Variants in PPP2R3C observed in about 807,000 individuals in gnomAD.
PPP2R3C encodes the protein protein phosphatase 2 regulatory subunit B''gamma, also known as serine/threonine-protein phosphatase 2A regulatory subunit B'' subunit gamma.
A neutral mutation model predicts 63.7 loss-of-function variants in PPP2R3C; 47 were observed. The observed-to-expected ratio is 0.74, with a 90% CI of 0.58 to 0.94. PPP2R3C has a LOEUF of 0.94. PPP2R3C is among the 40% of genes least tolerant of loss of function. The pLI, the probability that PPP2R3C is intolerant of heterozygous loss-of-function variation, is 0.00. For missense variants in PPP2R3C, 421 were observed against 518.4 expected (o/e 0.81, Z 1.82); for synonymous variants, 180 against 177.4 (o/e 1.01, Z -0.12).
intron 1 of PPP2R3C, among the ~76,000 whole-genome samples, chr14:35,118,451 T>C (rs2046768831): frequency 6.6e-6 from 1 of 152,184 alleles, no homozygotes; most frequent in Non-Finnish European, 1.5e-5. Flanking sequence ...GTACAACCTA[T>C]ATAATTTACT....
At chr14:35,109,752 A>C (rs573301468) in intron 4 of PPP2R3C, 67 bp downstream of exon 4, 1 of 1,293,388 alleles carries the variant, frequency 7.7e-7, no homozygotes, top group South Asian at 1.3e-5. Flanking sequence ...CACTGTGCCC[A>C]GCCAATATTT....
In PPP2R3C at chr14:35,085,533, G is replaced by A. The variant is rs2045562037; in HGVS notation, c.*57C>T. 4.9e-6 allele frequency: 7 copies of A among 1,438,324 alleles called. No homozygotes were observed. The highest frequency in any genetic ancestry group is 4.6e-5 in the Admixed American group (2 of 43,284). 89.1% of individuals were successfully genotyped at this position (1,438,324 alleles called of 1,614,324 possible). A position where few individuals can be genotyped will look rare whatever the true frequency, so the allele number is the denominator to read the frequency against. ...CATTTCTGAGGATTTTGCTTTAAAG[G>A]CTTTACATGCAGCATTCAAGTATCT... On this transcript the variant is annotated 3_prime_UTR_variant, in exon 13 of 13. Coordinates refer to ENST00000261475, the MANE Select transcript of PPP2R3C (RefSeq NM_017917.4).
At chr14:35,089,346 C>T (rs78591145) in intron 11 of PPP2R3C, among the ~76,000 whole-genome samples, 10,613 of 151,794 alleles carry the variant, frequency 0.07, 492 homozygotes, top group Non-Finnish European at 0.11. Context: ...TCAAGCAACC[C>T]TCCTTCCCTG....
At chr14:35,097,842 G>C (rs1450800344) in intron 7 of PPP2R3C, among the ~76,000 whole-genome samples, 3 of 151,710 alleles carry the variant, frequency 2.0e-5, no homozygotes, top group Admixed American at 1.3e-4. Flanking sequence ...TGAACTCCTA[G>C]GCACCAGTGA....
intron 2 of PPP2R3C, among the ~76,000 whole-genome samples, chr14:35,115,009 A>T (rs561015416): frequency 6.6e-6 from 1 of 151,894 alleles, no homozygotes; most frequent in Non-Finnish European, 1.5e-5. Flanking sequence ...AAAAACAAAA[A>T]GATGGGGTGT....
chr14:35,119,851 T>G (rs953741046), intron 1 of PPP2R3C, among the ~76,000 whole-genome samples: 1 of 143,822 alleles, frequency 7.0e-6, no homozygotes, highest in Admixed American at 6.9e-5. Flanking sequence ...CAGTTCATCT[T>G]TTTTTTTTTT....
chr14:35,104,776 C>T (rs1481544219), intron 6 of PPP2R3C, among the ~76,000 whole-genome samples: 1 of 152,048 alleles, frequency 6.6e-6, no homozygotes, highest in Admixed American at 6.6e-5. Context: ...GCTCTGTTGC[C>T]CAGGCTGGAG....
chr14:35,114,452 A>G (rs928994984), intron 2 of PPP2R3C, among the ~76,000 whole-genome samples: 7 of 152,238 alleles, frequency 4.6e-5, no homozygotes, highest in Admixed American at 2.6e-4. Context: ...ACTCACTTAT[A>G]TAAATACCTT....
intron 11 of PPP2R3C, among the ~76,000 whole-genome samples, chr14:35,090,072 G>A (rs1315351077): frequency 2.0e-5 from 3 of 151,974 alleles, no homozygotes; most frequent in African/African-American, 7.3e-5. Flanking sequence ...GATTTGACTA[G>A]ATGTAAAATA....
chr14:35,120,797 T>C (rs955374055), intron 1 of PPP2R3C, among the ~76,000 whole-genome samples: 9 of 151,980 alleles, frequency 5.9e-5, no homozygotes, highest in Admixed American at 3.9e-4. Context: ...AAATAAAAAA[T>C]TAGCCGGGTG....
At chr14:35,119,709 G>A (rs1215255250) in intron 1 of PPP2R3C, among the ~76,000 whole-genome samples, 1 of 152,048 alleles carries the variant, frequency 6.6e-6, no homozygotes, top group Non-Finnish European at 1.5e-5. Flanking sequence ...TTGTGCTGGT[G>A]TAAATGATCC....
chr14:35,096,628 C>T lies in PPP2R3C; in HGVS notation c.768G>A (p.Arg256=). ...CSFLDDLLEL[R]DEELSKESQE... ...GACTCTCCTTGGACAGTTCCTCATC[C>T]CTTAGCTAATGGAACACAAAGACAT... The change falls in exon 9 of 13, where the codon AGG becomes AGA. Residue 256 remains arginine, a synonymous_variant. Transcript: ENST00000261475. The T allele has an allele frequency of 6.2e-7, 1 of 1,613,482 alleles. No individual in the cohort carries two copies. The highest frequency in any genetic ancestry group is 1.1e-5 in the South Asian group (1 of 90,928).
intron 3 of PPP2R3C, chr14:35,110,246 T>C (rs1301430310): frequency 9.1e-6 from 4 of 440,652 alleles, no homozygotes; most frequent in African/African-American, 8.1e-5. Flanking sequence ...GGGCTGGGAT[T>C]TGAACCTCTG....
rs185634503 is a variant in PPP2R3C, at chr14:35,116,763, G to A, written c.59-26C>T. 9.8e-6 allele frequency: 15 copies of A among 1,523,914 alleles called. No individual in the cohort carries two copies. In the East Asian group the frequency reaches 1.4e-4, roughly 14 times the overall value. The allele number at this position is 1,523,914 out of a possible 1,614,324, so 94.4% of individuals were successfully genotyped here. Reference sequence around the variant, plus strand: ...CTGGTAACAAAACAGATTAAGGGGAGCACTTTTAAAATCAAGCAGTACTTT... The same window carrying A: ...CTGGTAACAAAACAGATTAAGGGGAACACTTTTAAAATCAAGCAGTACTTT... On this transcript the variant is annotated intron_variant, in intron 1 of 12. Transcript: ENST00000261475.
intron 9 of PPP2R3C, among the ~76,000 whole-genome samples, chr14:35,095,940 T>C (rs2045985918): frequency 6.7e-6 from 1 of 148,374 alleles, no homozygotes; most frequent in Non-Finnish European, 1.5e-5. Context: ...ACCCTGGGAA[T>C]AGCATTTTAT....
intron 1 of PPP2R3C, among the ~76,000 whole-genome samples, chr14:35,120,682 C>G (rs2046849746): frequency 6.6e-6 from 1 of 152,080 alleles, no homozygotes; most frequent in Non-Finnish European, 1.5e-5. Flanking sequence ...TGCGGCGGCT[C>G]ACGTCTGTAA....
intron 2 of PPP2R3C, among the ~76,000 whole-genome samples, chr14:35,111,004 C>T (rs184203342): frequency 2.7e-4 from 41 of 152,056 alleles, no homozygotes; most frequent in African/African-American, 8.2e-4. Flanking sequence ...TTTGGGTGGC[C>T]GAGGCAGGCG....
intron 6 of PPP2R3C, 99 bp downstream of exon 6, chr14:35,107,205 T>C: frequency 2.3e-6 from 2 of 880,984 alleles, no homozygotes; most frequent in Non-Finnish European, 3.6e-6. Flanking sequence ...AAACAAAGTA[T>C]TATGAGAACA....
At chr14:35,094,978 C>T (rs1262241596) in intron 10 of PPP2R3C, 70 bp downstream of exon 10, 1 of 1,489,856 alleles carries the variant, frequency 6.7e-7, no homozygotes, top group African/African-American at 1.4e-5. Flanking sequence ...TGTATTACAT[C>T]AAGAAAAGGG....
Sources: gnomAD v4.1 joint callset for allele counts (sites outside exome capture counted in the v4.1 genomes callset) on GRCh38, gnomAD v4.1.1 for gene constraint, MANE v1.5 for transcripts, NCBI Gene and HGNC (gene_info 2026-07-23, HGNC 2026-07-21) for gene names.